RANBP2: variants seen among roughly 807,000 people sequenced by gnomAD.
RANBP2 encodes RAN binding protein 2.
In RANBP2, 57 loss-of-function variants were observed where a neutral mutation model predicts 303.6. That is an observed-to-expected ratio of 0.19 (90% CI 0.15 to 0.23). The LOEUF (loss-of-function observed/expected upper bound fraction) is 0.23. Among genes scored for constraint, RANBP2 ranks in the 10% least tolerant of loss-of-function variants. The pLI is 1.00. For missense variants in RANBP2, 3,138 were observed against 3,780.8 expected, an observed-to-expected ratio of 0.83 and a Z score of 4.46; for synonymous variants, 1,167 against 1,301.5, an observed-to-expected ratio of 0.90 and a Z score of 2.23.
chr2:109,424,433 C>T, the RANBP2 span, among the ~76,000 whole-genome samples: 1 of 152,202 alleles, frequency 6.6e-6, no homozygotes, highest in African/African-American at 2.4e-5. Context: ...CACAGGCAAA[C>T]CTCATTTCAT....
chr2:109,665,687 C>T, the RANBP2 span: 24,006 of 164,436 alleles, frequency 0.15, 2,260 homozygotes, highest in Middle Eastern at 0.22. Context: ...ATGCTACCTG[C>T]GGGGCCATTC....
At chr2:109,728,604 C>T in the RANBP2 span, among the ~76,000 whole-genome samples, 21 of 150,948 alleles carry the variant, frequency 1.4e-4, no homozygotes, top group East Asian at 3.9e-4. Context: ...TACAGGTGCC[C>T]GCCACCGCAC....
At chr2:108,772,126 T>C (rs1282138644) in intron 21 of RANBP2, among the ~76,000 whole-genome samples, 1 of 152,222 alleles carries the variant, frequency 6.6e-6, no homozygotes, top group Admixed American at 6.5e-5. Context: ...ATTATAATTT[T>C]GCTGGAGTCT....
the RANBP2 span, among the ~76,000 whole-genome samples, chr2:109,091,439 CA>C: frequency 1.3e-5 from 2 of 152,070 alleles, no homozygotes; most frequent in Non-Finnish European, 2.9e-5. Context: ...GTTTTCCTAT[CA>C]TGTTAAAAAC....
At chr2:109,162,033 G>T in the RANBP2 span, among the ~76,000 whole-genome samples, 3 of 152,176 alleles carry the variant, frequency 2.0e-5, no homozygotes, top group African/African-American at 7.2e-5. Flanking sequence ...CCCTCCTTGG[G>T]ATGTGTCCTC....
the RANBP2 span, among the ~76,000 whole-genome samples, chr2:109,646,886 A>G: frequency 6.6e-6 from 1 of 152,146 alleles, no homozygotes. Flanking sequence ...TGGTAATTCT[A>G]TTTTGGGTGT....
chr2:109,440,368 G>C, the RANBP2 span, among the ~76,000 whole-genome samples: 2 of 152,250 alleles, frequency 1.3e-5, no homozygotes, highest in South Asian at 4.1e-4. Context: ...AGCAAAGAAA[G>C]ACCCGCAGTG....
the RANBP2 span, among the ~76,000 whole-genome samples, chr2:109,436,432 T>C: frequency 0.016 from 2,423 of 152,306 alleles, 53 homozygotes; most frequent in African/African-American, 0.054. Context: ...GTGCTGTGTG[T>C]GCCCTTTCCC....
chr2:108,990,523 G>A, the RANBP2 span, among the ~76,000 whole-genome samples: 1 of 151,918 alleles, frequency 6.6e-6, no homozygotes, highest in African/African-American at 2.4e-5. Context: ...TCGAACCCAG[G>A]AGATGGAAGT....
chr2:109,303,358 G>A, the RANBP2 span, among the ~76,000 whole-genome samples: 2 of 152,206 alleles, frequency 1.3e-5, no homozygotes, highest in Non-Finnish European at 2.9e-5. Flanking sequence ...TCAGTTGAAT[G>A]AAGGTGGGCA....
chr2:109,037,587 A>C, the RANBP2 span, among the ~76,000 whole-genome samples: 20 of 152,184 alleles, frequency 1.3e-4, 1 homozygote, highest in East Asian at 1.2e-3. Flanking sequence ...AACTCCTAGA[A>C]TTAATGTAAA....
At chr2:109,301,513 C>CA in the RANBP2 span, among the ~76,000 whole-genome samples, 4 of 152,144 alleles carry the variant, frequency 2.6e-5, no homozygotes. Context: ...AGAGTGACAG[C>CA]ACAGGGCATG....
chr2:109,702,804 C>CT, the RANBP2 span, among the ~76,000 whole-genome samples: 119,581 of 144,886 alleles, frequency 0.83, 50,716 homozygotes, highest in East Asian at 0.97. Context: ...CTGAATCAGT[C>CT]TTTTTTTTTT....
the RANBP2 span, among the ~76,000 whole-genome samples, chr2:109,439,853 C>G: frequency 2.0e-5 from 3 of 152,020 alleles, no homozygotes; most frequent in African/African-American, 7.2e-5. Context: ...AAACAAAGTT[C>G]TGTGGTGGGT....
chr2:109,499,634 G>T, the RANBP2 span, among the ~76,000 whole-genome samples: 1 of 152,190 alleles, frequency 6.6e-6, no homozygotes, highest in African/African-American at 2.4e-5. Flanking sequence ...AGGGCACAAG[G>T]CCCAACTGGT....
the RANBP2 span, among the ~76,000 whole-genome samples, chr2:109,060,032 C>G: frequency 6.6e-6 from 1 of 152,168 alleles, no homozygotes; most frequent in Non-Finnish European, 1.5e-5. Context: ...TCACAAGAAC[C>G]TGACTTCCAA....
chr2:109,475,646 C>T, the RANBP2 span, among the ~76,000 whole-genome samples: 6 of 152,350 alleles, frequency 3.9e-5, no homozygotes, highest in African/African-American at 1.4e-4. Context: ...CTGTGCTCTG[C>T]ATTGTAGGAT....
At chr2:109,285,673 A>T in the RANBP2 span, among the ~76,000 whole-genome samples, 1 of 152,102 alleles carries the variant, frequency 6.6e-6, no homozygotes, top group Non-Finnish European at 1.5e-5. Context: ...CTATGGGGAA[A>T]AGTTCACTTG....
At chr2:109,697,973 C>T in the RANBP2 span, among the ~76,000 whole-genome samples, 1 of 151,520 alleles carries the variant, frequency 6.6e-6, no homozygotes, top group African/African-American at 2.4e-5. Flanking sequence ...GATTCTCCTG[C>T]CTCAGCCTCC....
Sources: allele counts gnomAD v4.1 joint callset (sites outside exome capture counted in the v4.1 genomes callset), GRCh38; gene constraint gnomAD v4.1.1; transcripts MANE v1.5; gene names NCBI Gene and HGNC (gene_info 2026-07-23, HGNC 2026-07-21).